AIM2: variants seen among roughly 807,000 people sequenced by gnomAD.
AIM2 encodes the protein absent in melanoma 2, also known as interferon-inducible protein AIM2.
Under a neutral mutation model 27.7 loss-of-function variants are expected in AIM2, and 30 were observed. The ratio of observed to expected loss-of-function variants is 1.08; its 90% confidence interval spans 0.81 to 1.47. The LOEUF (loss-of-function observed/expected upper bound fraction) is 1.47, where lower values mean the gene tolerates loss of function less well. Among genes scored for constraint, AIM2 ranks in the 40% most tolerant of loss-of-function variants. The pLI is 0.00. For missense variants in AIM2, 358 were observed against 411.3 expected (o/e 0.87, Z 1.12); for synonymous variants, 141 against 145.3 (o/e 0.97, Z 0.21).
At chr1:159,083,048 G>A (rs1437472947) in intron 1 of AIM2, among the ~76,000 whole-genome samples, 2 of 152,096 alleles carry the variant, frequency 1.3e-5, no homozygotes, top group Non-Finnish European at 2.9e-5. Flanking sequence ...TTAGCAATAA[G>A]CACGTCAAGA....
At chr1:159,131,901 A>C (rs916519257) in intron 1 of AIM2, among the ~76,000 whole-genome samples, 1 of 152,228 alleles carries the variant, frequency 6.6e-6, no homozygotes, top group East Asian at 1.9e-4. Flanking sequence ...ATGCATTTAA[A>C]CAGGCAAGAC....
intron 5 of AIM2, 27 bp downstream of exon 5, chr1:159,063,459 G>C (rs757281990): frequency 6.3e-7 from 1 of 1,586,946 alleles, no homozygotes; most frequent in Non-Finnish European, 8.6e-7. Context: ...CCCTTGGAGA[G>C]TTGACTTTGT....
chr1:159,141,130 T>C (rs756136488), upstream of AIM2, among the ~76,000 whole-genome samples: 1 of 152,234 alleles, frequency 6.6e-6, no homozygotes, highest in Non-Finnish European at 1.5e-5. Flanking sequence ...TGCAAGAAAC[T>C]ACCCTCTGCA....
rs370195159 is a variant in AIM2, at chr1:159,120,099, C to A, written c.-16+20332G>T. Among the ~76,000 whole-genome samples, 140 of 152,042 alleles carry A rather than the reference C, an allele frequency of 9.2e-4. 1 individual carries two copies. The highest frequency in any genetic ancestry group is 3.2e-3 in the African/African-American group (132 of 41,458). ...TTGTTTCTATATTTATTTCTCTTTT[C>A]TCATACATTGAAAACACTGGATCCT... On this transcript the variant is annotated intron_variant, in intron 1 of 2. Coordinates refer to the AIM2 transcript ENST00000368129.
chr1:159,061,236 G>A (rs985093788), downstream of AIM2, among the ~76,000 whole-genome samples: 1 of 152,116 alleles, frequency 6.6e-6, no homozygotes, highest in Non-Finnish European at 1.5e-5. Flanking sequence ...GCATCTCACT[G>A]TAGTTTTAGT....
downstream of AIM2, among the ~76,000 whole-genome samples, chr1:159,060,349 TA>T (rs905468994): frequency 8.6e-5 from 13 of 151,662 alleles, no homozygotes; most frequent in East Asian, 3.9e-4. Flanking sequence ...TCCAGAGAAA[TA>T]AAAAAAAATC....
At chr1:159,113,039 G>C (rs761425133) in intron 1 of AIM2, among the ~76,000 whole-genome samples, 9 of 151,864 alleles carry the variant, frequency 5.9e-5, no homozygotes, top group Non-Finnish European at 1.2e-4. Flanking sequence ...CCGCTTCCGG[G>C]GTTCACGCCA....
intron 1 of AIM2, among the ~76,000 whole-genome samples, chr1:159,116,148 T>G (rs1176106366): frequency 1.3e-5 from 2 of 151,284 alleles, no homozygotes; most frequent in African/African-American, 2.4e-5. Context: ...ATCTCACACC[T>G]GTTAGAATGG....
chr1:159,056,604 A>G, the AIM2 span, among the ~76,000 whole-genome samples: 96 of 150,416 alleles, frequency 6.4e-4, no homozygotes, highest in African/African-American at 2.3e-3. Context: ...GAAGAGACAA[A>G]TTGTGTTATT....
intron 4 of AIM2, among the ~76,000 whole-genome samples, chr1:159,064,122 G>T (rs1280999146): frequency 6.6e-6 from 1 of 152,166 alleles, no homozygotes; most frequent in East Asian, 1.9e-4. Flanking sequence ...AGTTTTTGGG[G>T]AGTCAAAAAT....
intron 1 of AIM2, among the ~76,000 whole-genome samples, chr1:159,110,180 G>A (rs1657534704): frequency 6.6e-6 from 1 of 151,310 alleles, no homozygotes; most frequent in Non-Finnish European, 1.5e-5. Flanking sequence ...AACCAATGAG[G>A]ATAAAGAGAC....
At chr1:159,056,731 A>AAC in the AIM2 span, among the ~76,000 whole-genome samples, 2,198 of 143,322 alleles carry the variant, frequency 0.015, 48 homozygotes, top group Non-Finnish European at 0.028. Flanking sequence ...AAAAAAAAAA[A>AAC]AAAAAAAAAA....
intron 1 of AIM2, among the ~76,000 whole-genome samples, chr1:159,121,323 A>G (rs1025001161): frequency 6.6e-6 from 1 of 152,186 alleles, no homozygotes; most frequent in Non-Finnish European, 1.5e-5. Flanking sequence ...CATCTTACTC[A>G]ATACTACTGC....
the AIM2 span, chr1:159,055,109 C>G: frequency 2.7e-6 from 1 of 373,228 alleles, no homozygotes; most frequent in Non-Finnish European, 4.9e-6. Context: ...TCTACAACTT[C>G]TATAATTTGA....
chr1:159,075,805 A>G (rs1346435838), intron 1 of AIM2, among the ~76,000 whole-genome samples: 5 of 152,242 alleles, frequency 3.3e-5, no homozygotes, highest in African/African-American at 1.2e-4. Flanking sequence ...CAGAGCAGCA[A>G]CATATAAAGT....
intron 1 of AIM2, among the ~76,000 whole-genome samples, chr1:159,090,075 T>C (rs113429296): frequency 2.9e-4 from 44 of 152,280 alleles, no homozygotes; most frequent in African/African-American, 1.0e-3. Context: ...CCTTCTTGCC[T>C]CACTTAGGCA....
chr1:159,133,173 TTC>T (rs146143896), intron 1 of AIM2, among the ~76,000 whole-genome samples: 21 of 149,296 alleles, frequency 1.4e-4, no homozygotes, highest in East Asian at 1.9e-4. Context: ...CTTGCTCTTG[TTC>T]TCTCTCTCTC....
intron 2 of AIM2, among the ~76,000 whole-genome samples, chr1:159,072,001 T>G (rs1242364132): frequency 6.6e-6 from 1 of 152,234 alleles, no homozygotes; most frequent in African/African-American, 2.4e-5. Flanking sequence ...AATTTTGTTC[T>G]ATCCTGGTCA....
chr1:159,118,443 G>A (rs1179831683), intron 1 of AIM2, among the ~76,000 whole-genome samples: 1 of 152,148 alleles, frequency 6.6e-6, no homozygotes, highest in Non-Finnish European at 1.5e-5. Context: ...TTTGAGGTAA[G>A]GGTAATTCAA....
Sources: allele counts gnomAD v4.1 joint callset (sites outside exome capture counted in the v4.1 genomes callset), GRCh38; gene constraint gnomAD v4.1.1; transcripts MANE v1.5; gene names NCBI Gene and HGNC (gene_info 2026-07-23, HGNC 2026-07-21).